Variants in TMEM108 observed in about 807,000 individuals in gnomAD.
TMEM108 encodes cancer/testis antigen 124.
Under a neutral mutation model 35.1 loss-of-function variants are expected in TMEM108, and 12 were observed. The observed-to-expected ratio is 0.34, with a 90% confidence interval of 0.22 to 0.55. TMEM108 has a LOEUF of 0.55. Ranked by LOEUF, TMEM108 falls within the 20% of genes least tolerant of loss-of-function variation. The pLI is 0.89. For synonymous variants in TMEM108, 287 were observed against 308.6 expected, an observed-to-expected ratio of 0.93 and a Z score of 0.73; for missense variants, 680 against 753.3, an observed-to-expected ratio of 0.90 and a Z score of 1.14.
rs148032058 is a variant in TMEM108 at position 133,172,774 on chromosome 3, A to C, written c.-46-56492A>C. Among the ~76,000 whole-genome samples the C allele has an allele frequency of 6.7e-3, 1,018 of 152,284 alleles. 17 individuals are homozygous for C. Among genetic ancestry groups the C allele is most frequent in the African/African-American group, 0.022 (931 of 41,536 alleles). On this transcript the variant is annotated intron_variant, in intron 2 of 5. Transcript: ENST00000321871. ...TATGGTTTGGCTGTGTCACCACCCA[A>C]ATCTCATCTTCAATTCCCATGTATT...
chr3:133,240,827 G>A (rs1946302880), intron 3 of TMEM108, among the ~76,000 whole-genome samples: 1 of 152,038 alleles, frequency 6.6e-6, no homozygotes, highest in African/African-American at 2.4e-5. Flanking sequence ...TTCATGTGTT[G>A]AAAATCCCTT....
At chr3:133,168,419 G>A (rs539900440) in intron 2 of TMEM108, among the ~76,000 whole-genome samples, 2 of 152,228 alleles carry the variant, frequency 1.3e-5, no homozygotes, top group African/African-American at 4.8e-5. Context: ...GGGAGAGAGA[G>A]GGAGGCGAGG....
intron 4 of TMEM108, chr3:133,389,417 C>T (rs1290908743): frequency 2.0e-6 from 2 of 984,748 alleles, no homozygotes; most frequent in Non-Finnish European, 2.4e-6. Context: ...CAGTGGCTCA[C>T]ACCTGTAATC....
Position 133,048,289 on chromosome 3 carries a change from C to T in TMEM108, c.-47+2269C>T, listed in dbSNP as rs536595924. ...GCTAGTCCAGATCAGTTTTTGCAGACAATACAGTAAAGACCAGAGAATGTT... is the reference window on the plus strand; with the variant it reads ...GCTAGTCCAGATCAGTTTTTGCAGATAATACAGTAAAGACCAGAGAATGTT... On this transcript the variant is annotated intron_variant, in intron 2 of 5. Coordinates refer to ENST00000321871, the MANE Select transcript of TMEM108 (RefSeq NM_023943.4). Among the ~76,000 whole-genome samples, 18 of 152,246 alleles carry T rather than the reference C, an allele frequency of 1.2e-4. No homozygotes were observed. The East Asian group carries it at 3.1e-3, about 26-fold the overall frequency.
At chr3:133,211,386 A>G (rs947874169) in intron 2 of TMEM108, among the ~76,000 whole-genome samples, 19 of 152,204 alleles carry the variant, frequency 1.2e-4, no homozygotes, top group Non-Finnish European at 2.6e-4. Context: ...ATTGCAAAAG[A>G]AAAAAGAAAA....
At chr3:133,084,293 A>G (rs972543747) in intron 2 of TMEM108, among the ~76,000 whole-genome samples, 4 of 152,240 alleles carry the variant, frequency 2.6e-5, no homozygotes, top group East Asian at 1.9e-4. Context: ...ATTTTCTTCA[A>G]TGCTTGATTT....
chr3:133,257,126 T>C (rs1946559148), intron 3 of TMEM108: 2 of 152,202 alleles, frequency 1.3e-5, no homozygotes, highest in Non-Finnish European at 2.9e-5. Flanking sequence ...TCATTTGAGA[T>C]TGTCTCTTAA....
chr3:133,321,404 A>G (rs906357447), intron 3 of TMEM108, among the ~76,000 whole-genome samples: 2 of 152,204 alleles, frequency 1.3e-5, no homozygotes, highest in African/African-American at 4.8e-5. Context: ...AAGCAACAAC[A>G]GTTTAAAAAG....
At chr3:133,118,846 A>G (rs190635052) in intron 2 of TMEM108, among the ~76,000 whole-genome samples, 1 of 152,256 alleles carries the variant, frequency 6.6e-6, no homozygotes, top group Non-Finnish European at 1.5e-5. Flanking sequence ...TTATTTACTT[A>G]GGCAGTGTAG....
At chr3:133,235,897 A>G (rs555442459) in intron 3 of TMEM108, among the ~76,000 whole-genome samples, 1 of 152,200 alleles carries the variant, frequency 6.6e-6, no homozygotes, top group Non-Finnish European at 1.5e-5. Context: ...TTAATAATGG[A>G]AGGTAAAGAG....
At chr3:133,178,768 A>T (rs1005925940) in intron 2 of TMEM108, among the ~76,000 whole-genome samples, 1 of 152,268 alleles carries the variant, frequency 6.6e-6, no homozygotes, top group African/African-American at 2.4e-5. Context: ...TCATGTCTAA[A>T]ACACCAAAAG....
chr3:133,242,555 G>A (rs1168844941), intron 3 of TMEM108, among the ~76,000 whole-genome samples: 1 of 152,196 alleles, frequency 6.6e-6, no homozygotes, highest in East Asian at 1.9e-4. Flanking sequence ...AGTGCTATAG[G>A]CATGTGAGCT....
intron 2 of TMEM108, among the ~76,000 whole-genome samples, chr3:133,103,054 T>C (rs145113617): frequency 6.6e-6 from 1 of 152,288 alleles, no homozygotes; most frequent in East Asian, 1.9e-4. Flanking sequence ...AAGACAGAAA[T>C]ACTGTTCGAC....
chr3:133,257,153 C>T (rs1425554762), intron 3 of TMEM108: 1 of 152,136 alleles, frequency 6.6e-6, no homozygotes, highest in Non-Finnish European at 1.5e-5. Context: ...TAACCTAAGG[C>T]TGCTATACAG....
At chr3:133,237,330 G>A (rs1946253280) in intron 3 of TMEM108, among the ~76,000 whole-genome samples, 1 of 151,998 alleles carries the variant, frequency 6.6e-6, no homozygotes, top group African/African-American at 2.4e-5. Flanking sequence ...AGCTCCTGTT[G>A]AACTTAACAC....
rs142623622 is a variant in TMEM108, at chr3:133,370,921, T to TGTGCGC, written c.41-8830_41-8829insTGCGCG. Among the ~76,000 whole-genome samples the TGTGCGC allele has an allele frequency of 2.0e-4, 28 of 139,402 alleles. 1 individual carries two copies. Among genetic ancestry groups the TGTGCGC allele is most frequent in the South Asian group, 9.5e-4 (4 of 4,196 alleles). The allele number at this position is 139,402 out of a possible 152,430, so 91.5% of individuals were successfully genotyped here. On this transcript the variant is annotated intron_variant, in intron 3 of 5. Coordinates refer to ENST00000321871, the MANE Select transcript of TMEM108 (RefSeq NM_023943.4). Reference sequence around the variant, plus strand: ...GTGTGTGTGTGTGTGTGTGTGTGTGTGCCAGGAAGCTTCATGGCCCTCCTA... The same window carrying TGTGCGC: ...GTGTGTGTGTGTGTGTGTGTGTGTGTGTGCGCGCCAGGAAGCTTCATGGCCCTCCTA...
intron 2 of TMEM108, among the ~76,000 whole-genome samples, chr3:133,206,993 GC>G (rs1945765610): frequency 6.6e-6 from 1 of 152,138 alleles, no homozygotes; most frequent in Non-Finnish European, 1.5e-5. Context: ...TTTCAGACAT[GC>G]CCTGCCTAGA....
chr3:133,156,073 T>TTTAG (rs1944877617), intron 2 of TMEM108, among the ~76,000 whole-genome samples: 1 of 150,770 alleles, frequency 6.6e-6, no homozygotes. Flanking sequence ...CTTTTATTTA[T>TTTAG]TTATTTATTT....
At chr3:133,251,736 G>A (rs561146522) in intron 3 of TMEM108, among the ~76,000 whole-genome samples, 1 of 152,238 alleles carries the variant, frequency 6.6e-6, no homozygotes, top group South Asian at 2.1e-4. Context: ...CTAGATGCAA[G>A]AGGACAAGGA....
Sources: gnomAD v4.1 joint callset for allele counts (sites outside exome capture counted in the v4.1 genomes callset) on GRCh38, gnomAD v4.1.1 for gene constraint, MANE v1.5 for transcripts, NCBI Gene and HGNC (gene_info 2026-07-23, HGNC 2026-07-21) for gene names.